METTL15: variants seen among roughly 807,000 people sequenced by gnomAD.
The protein encoded by METTL15 is methyltransferase 15, mitochondrial 12S rRNA N4-cytidine, also known as 12S rRNA N(4)-cytidine methyltransferase METTL15.
METTL15 carries 34 observed loss-of-function variants against 38.3 expected under a neutral mutation model. That is an observed-to-expected ratio of 0.89 (90% CI 0.68 to 1.18). The LOEUF (loss-of-function observed/expected upper bound fraction) is 1.18, where lower values mean the gene tolerates loss of function less well. METTL15 is among the 50% of genes most tolerant of loss of function. METTL15 has a pLI of 0.00. For synonymous variants in METTL15, 162 were observed against 170.9 expected (o/e 0.95, Z 0.41); for missense variants, 438 against 498.4 (o/e 0.88, Z 1.15).
chr11:28,464,481 G>T (rs1478309983), intron 6 of METTL15, among the ~76,000 whole-genome samples: 1 of 152,134 alleles, frequency 6.6e-6, no homozygotes, highest in East Asian at 1.9e-4. Context: ...AAAATGTATG[G>T]CAGGCTGAAT....
At chr11:28,456,849 C>A (rs1369644470) in intron 6 of METTL15, among the ~76,000 whole-genome samples, 1 of 152,116 alleles carries the variant, frequency 6.6e-6, no homozygotes, top group Non-Finnish European at 1.5e-5. Flanking sequence ...ACCTAAGCAC[C>A]AGATATGTGG....
chr11:28,262,363 GAT>G (rs2133942215), intron 4 of METTL15, among the ~76,000 whole-genome samples: 1 of 150,536 alleles, frequency 6.6e-6, no homozygotes, highest in Non-Finnish European at 1.5e-5. Flanking sequence ...TAACTACAGA[GAT>G]ATATATGTGT....
At chr11:28,441,805 C>T (rs1851036932) in intron 6 of METTL15, among the ~76,000 whole-genome samples, 2 of 152,142 alleles carry the variant, frequency 1.3e-5, no homozygotes, top group Non-Finnish European at 2.9e-5. Flanking sequence ...TGCCATTTAG[C>T]TTGGTACTTG....
chr11:28,126,579 G>A (rs1484355321), intron 3 of METTL15, among the ~76,000 whole-genome samples: 1 of 152,164 alleles, frequency 6.6e-6, no homozygotes, highest in Non-Finnish European at 1.5e-5. Flanking sequence ...ATTGGGTGAA[G>A]AGAGGCAAGG....
At chr11:28,298,356 G>A (rs996153729) in intron 6 of METTL15, among the ~76,000 whole-genome samples, 1 of 152,006 alleles carries the variant, frequency 6.6e-6, no homozygotes, top group African/African-American at 2.4e-5. Context: ...ATCTAAAATT[G>A]GTGCTGAAAA....
At chr11:28,516,036 C>T (rs138640028) in intron 6 of METTL15, among the ~76,000 whole-genome samples, 33 of 152,326 alleles carry the variant, frequency 2.2e-4, no homozygotes, top group South Asian at 1.2e-3. Flanking sequence ...AGTTCATACT[C>T]ATCAAGTGTA....
chr11:28,284,801 C>G (rs1856188763), intron 4 of METTL15, among the ~76,000 whole-genome samples: 1 of 152,100 alleles, frequency 6.6e-6, no homozygotes, highest in Non-Finnish European at 1.5e-5. Context: ...CAGACTGGAA[C>G]ACATTTAGAA....
intron 6 of METTL15, among the ~76,000 whole-genome samples, chr11:28,505,951 G>GT (rs1279098445): frequency 1.3e-5 from 2 of 152,144 alleles, no homozygotes; most frequent in African/African-American, 4.8e-5. Context: ...TAAAGGCAAG[G>GT]TATAGTTAAG....
chr11:28,290,138 G>T, intron 4 of METTL15, 68 bp from the exon 5 acceptor site: 1 of 1,332,882 alleles, frequency 7.5e-7, no homozygotes, highest in South Asian at 1.5e-5. Context: ...CCCTTCCATT[G>T]ATCATAGACT....
chr11:28,203,733 T>C (rs543982625), intron 3 of METTL15, among the ~76,000 whole-genome samples: 6 of 152,108 alleles, frequency 3.9e-5, no homozygotes, highest in Admixed American at 1.3e-4. Context: ...TTGAAGAACA[T>C]TGGGGATAAA....
chr11:28,481,209 C>A (rs1184694926), intron 6 of METTL15, among the ~76,000 whole-genome samples: 4 of 152,146 alleles, frequency 2.6e-5, no homozygotes, highest in Admixed American at 6.5e-5. Flanking sequence ...TTTATTTAGT[C>A]TCCCTAACTC....
chr11:28,241,309 G>A (rs1314140969), intron 4 of METTL15, among the ~76,000 whole-genome samples: 2 of 152,054 alleles, frequency 1.3e-5, no homozygotes, highest in Admixed American at 6.6e-5. Flanking sequence ...TGAGGCAGGC[G>A]GATCGCAAGG....
At chr11:28,308,152 G>T (rs1857145502) in intron 6 of METTL15, among the ~76,000 whole-genome samples, 1 of 151,902 alleles carries the variant, frequency 6.6e-6, no homozygotes, top group African/African-American at 2.4e-5. Context: ...TGAAAAGTCT[G>T]CTTGTCTTTA....
At chr11:28,276,153 T>G (rs1425444816) in intron 4 of METTL15, among the ~76,000 whole-genome samples, 3 of 152,064 alleles carry the variant, frequency 2.0e-5, no homozygotes, top group Non-Finnish European at 4.4e-5. Flanking sequence ...GGAAGTCAAA[T>G]TATTCCTCTT....
rs529107232 is a variant in METTL15, at chr11:28,186,775, T to A, written c.271-24287T>A. On this transcript the variant is annotated intron_variant, in intron 3 of 6. Transcript: ENST00000407364. ...ACTATTGTAATATAACATTTTTTTT[T>A]AAAAAAGAGGATGCTGTGATTAAGT... Among the ~76,000 whole-genome samples, 573 of 151,116 alleles carry A rather than the reference T, an allele frequency of 3.8e-3. 1 individual carries two copies. Among genetic ancestry groups the A allele is most frequent in the African/African-American group, 3.3e-3 (137 of 41,434 alleles).
intron 6 of METTL15, among the ~76,000 whole-genome samples, chr11:28,314,436 T>C (rs969540829): frequency 1.3e-5 from 2 of 152,220 alleles, no homozygotes; most frequent in Admixed American, 6.5e-5. Flanking sequence ...GAAGTGCATA[T>C]GGCCCAATTC....
At chr11:28,489,594 G>A (rs2133480497) in intron 6 of METTL15, among the ~76,000 whole-genome samples, 1 of 152,172 alleles carries the variant, frequency 6.6e-6, no homozygotes, top group East Asian at 1.9e-4. Flanking sequence ...GAGACTGAGT[G>A]CTATGGAAGC....
chr11:28,274,191 T>C lies in METTL15; in HGVS notation c.408-16015T>C, dbSNP rs760625793. ...GTTTACAGAAGGAATTAATTTTTCTTACTCTTACTGAACTTAAAAAAAGAA... is the reference window on the plus strand; with the variant it reads ...GTTTACAGAAGGAATTAATTTTTCTCACTCTTACTGAACTTAAAAAAAGAA... On this transcript the variant is annotated intron_variant, in intron 4 of 6. Coordinates refer to ENST00000407364, the MANE Select transcript of METTL15 (RefSeq NM_001113528.2). Among the ~76,000 whole-genome samples, 5 of 152,166 alleles carry C rather than the reference T, an allele frequency of 3.3e-5. No individual in the cohort carries two copies. In the South Asian group the frequency reaches 8.3e-4, roughly 25 times the overall value.
chr11:28,219,483 A>G (rs896870793), intron 4 of METTL15, among the ~76,000 whole-genome samples: 1 of 151,802 alleles, frequency 6.6e-6, no homozygotes, highest in African/African-American at 2.4e-5. Context: ...GCAGTCTATC[A>G]ATTTTGTTGA....
Sources: allele counts gnomAD v4.1 joint callset (sites outside exome capture counted in the v4.1 genomes callset), GRCh38; gene constraint gnomAD v4.1.1; transcripts MANE v1.5; gene names NCBI Gene and HGNC (gene_info 2026-07-23, HGNC 2026-07-21).